Variants in LYPD6 observed in about 807,000 individuals in gnomAD.
The protein encoded by LYPD6 is ly6/PLAUR domain-containing protein 6.
LYPD6 carries 15 observed loss-of-function variants against 22.7 expected under a neutral mutation model. That is an observed-to-expected ratio of 0.66 (90% confidence interval 0.44 to 1.02). LYPD6 has a LOEUF of 1.02. Among genes scored for constraint, LYPD6 ranks in the 50% least tolerant of loss-of-function variants. The pLI is 0.00. For missense variants in LYPD6, 189 were observed against 208.4 expected, an observed-to-expected ratio of 0.91 and a Z score of 0.57; for synonymous variants, 72 against 77.5, an observed-to-expected ratio of 0.93 and a Z score of 0.37.
intron 1 of LYPD6, among the ~76,000 whole-genome samples, chr2:149,347,435 C>T (rs185858251): frequency 6.6e-6 from 1 of 152,194 alleles, no homozygotes; most frequent in Admixed American, 6.5e-5. Flanking sequence ...CTGGCGTTCC[C>T]CCTATTTTCC....
chr2:149,414,305 C>G (rs1333823870), intron 1 of LYPD6, among the ~76,000 whole-genome samples: 2 of 152,132 alleles, frequency 1.3e-5, no homozygotes, highest in Non-Finnish European at 2.9e-5. Context: ...TTTTAATACT[C>G]ACTGTTAATA....
intron 1 of LYPD6, among the ~76,000 whole-genome samples, chr2:149,357,622 A>G (rs373826820): frequency 1.3e-5 from 2 of 152,166 alleles, no homozygotes; most frequent in East Asian, 1.9e-4. Context: ...ATGAACTTTA[A>G]GGTGGTGATA....
rs1042828853 is a variant in LYPD6, at chr2:149,409,947, C to T, written c.-71-27691C>T. Among the ~76,000 whole-genome samples the T allele has an allele frequency of 2.6e-5, 4 of 152,168 alleles. 1 individual carries two copies. In the South Asian group the frequency reaches 8.3e-4, roughly 32 times the overall value. Reference sequence around the variant, plus strand: ...TTCCTTCTAAGGGCCTGTGGATTCTCTCAGCTTTCCTGGTGTGTTCCTGTG... The same window carrying T: ...TTCCTTCTAAGGGCCTGTGGATTCTTTCAGCTTTCCTGGTGTGTTCCTGTG... On this transcript the variant is annotated intron_variant, in intron 1 of 4. Transcript: ENST00000334166.
At chr2:149,423,116 C>T (rs933170277) in intron 1 of LYPD6, among the ~76,000 whole-genome samples, 1 of 152,050 alleles carries the variant, frequency 6.6e-6, no homozygotes, top group Non-Finnish European at 1.5e-5. Flanking sequence ...CATCTGCCCC[C>T]ACAGGGCAAG....
At chr2:149,415,074 G>A (rs1043677130) in intron 1 of LYPD6, among the ~76,000 whole-genome samples, 1 of 152,296 alleles carries the variant, frequency 6.6e-6, no homozygotes, top group Admixed American at 6.5e-5. Context: ...CTGGTAGTGG[G>A]TGTTCCTTAT....
chr2:149,353,759 A>C (rs1446506125), intron 1 of LYPD6, among the ~76,000 whole-genome samples: 1 of 151,866 alleles, frequency 6.6e-6, no homozygotes, highest in Non-Finnish European at 1.5e-5. Context: ...TAACAACATA[A>C]ATGTGCTCAT....
intron 1 of LYPD6, among the ~76,000 whole-genome samples, chr2:149,393,181 T>C (rs1213230554): frequency 1.3e-5 from 2 of 152,222 alleles, no homozygotes; most frequent in East Asian, 1.9e-4. Flanking sequence ...ATAAAAGCCT[T>C]CTTTTCATGG....
chr2:149,481,492 C>T, the LYPD6 span, among the ~76,000 whole-genome samples: 10 of 152,152 alleles, frequency 6.6e-5, no homozygotes, highest in African/African-American at 2.4e-4. Flanking sequence ...ATTAGAAACA[C>T]TGTTATGAAC....
chr2:149,361,506 T>A (rs144956353), intron 1 of LYPD6, among the ~76,000 whole-genome samples: 25 of 152,298 alleles, frequency 1.6e-4, no homozygotes, highest in Non-Finnish European at 3.5e-4. Context: ...TAAATACACA[T>A]CACTTTCTTT....
chr2:149,470,575 G>A, intron 4 of LYPD6, 108 bp from the exon 5 acceptor site: 3 of 889,618 alleles, frequency 3.4e-6, no homozygotes, highest in Non-Finnish European at 1.8e-6. Context: ...TATAGATTAG[G>A]TAATTTTTAC....
intron 3 of LYPD6, among the ~76,000 whole-genome samples, chr2:149,452,498 G>A (rs1680857549): frequency 2.0e-5 from 3 of 152,210 alleles, no homozygotes; most frequent in Admixed American, 2.0e-4. Context: ...AATGGGCTTA[G>A]GAAGGGCAAC....
chr2:149,373,917 G>T (rs909959909), intron 1 of LYPD6, among the ~76,000 whole-genome samples: 1 of 152,150 alleles, frequency 6.6e-6, no homozygotes, highest in Non-Finnish European at 1.5e-5. Flanking sequence ...ATAGAAAGTT[G>T]CTGTGGGAAA....
intron 1 of LYPD6, among the ~76,000 whole-genome samples, chr2:149,430,191 C>T (rs1279276917): frequency 6.6e-6 from 1 of 152,150 alleles, no homozygotes; most frequent in Non-Finnish European, 1.5e-5. Flanking sequence ...CCTCCGCCTC[C>T]CGGGTTCAAG....
In LYPD6 at chr2:149,471,008, G is replaced by T; in HGVS notation, c.*158G>T. 1 of 632,776 alleles carries T rather than the reference G, an allele frequency of 1.6e-6. No individual in the cohort carries two copies. The highest frequency in any genetic ancestry group is 3.1e-5 in the South Asian group (1 of 32,224). 39.2% of individuals were successfully genotyped at this position (632,776 alleles called of 1,614,324 possible). ...TTGCCACTTACCATGAGGAATAAAT[G>T]TTGCTTCATTGTAGCCATTTTGAGT... On this transcript the variant is annotated 3_prime_UTR_variant, in exon 5 of 5. Coordinates refer to ENST00000334166, the MANE Select transcript of LYPD6 (RefSeq NM_194317.5).
At chr2:149,382,928 T>C (rs1177732462) in intron 1 of LYPD6, among the ~76,000 whole-genome samples, 5 of 152,140 alleles carry the variant, frequency 3.3e-5, no homozygotes, top group Non-Finnish European at 7.4e-5. Flanking sequence ...GAATCTTTGA[T>C]CTCTTACAAT....
chr2:149,364,551 T>A (rs1681626610), intron 1 of LYPD6, among the ~76,000 whole-genome samples: 1 of 151,972 alleles, frequency 6.6e-6, no homozygotes, highest in Non-Finnish European at 1.5e-5. Flanking sequence ...ACAATTTTTT[T>A]TTTTTTTTTT....
At chr2:149,337,545 T>C (rs888580107) in intron 1 of LYPD6, among the ~76,000 whole-genome samples, 1 of 152,126 alleles carries the variant, frequency 6.6e-6, no homozygotes, top group Non-Finnish European at 1.5e-5. Context: ...ATTTTGTCTC[T>C]CTTTCAGCCT....
At chr2:149,458,782 C>A (rs558306853) in intron 3 of LYPD6, among the ~76,000 whole-genome samples, 3 of 152,088 alleles carry the variant, frequency 2.0e-5, no homozygotes, top group Non-Finnish European at 4.4e-5. Flanking sequence ...ACATAATGTA[C>A]CTGAAATAAA....
intron 1 of LYPD6, among the ~76,000 whole-genome samples, chr2:149,344,726 T>C (rs1339683084): frequency 6.6e-6 from 1 of 152,188 alleles, no homozygotes; most frequent in African/African-American, 2.4e-5. Context: ...AGGTAAAAGC[T>C]GAAGTGCTTT....
Sources: gnomAD v4.1 joint callset for allele counts (sites outside exome capture counted in the v4.1 genomes callset) on GRCh38, gnomAD v4.1.1 for gene constraint, MANE v1.5 for transcripts, NCBI Gene and HGNC (gene_info 2026-07-23, HGNC 2026-07-21) for gene names.